The following CELA2B variants were observed in gnomAD, a reference collection of about 807,000 sequenced individuals.
CELA2B encodes chymotrypsin like elastase 2B, also known as chymotrypsin-like elastase family member 2B.
A neutral mutation model predicts 36.5 loss-of-function variants in CELA2B; 27 were observed. That is an observed-to-expected ratio of 0.74 (90% CI 0.55 to 1.02). CELA2B has a LOEUF of 1.02. Among genes scored for constraint, CELA2B ranks in the 50% least tolerant of loss-of-function variants. CELA2B has a pLI of 0.00. For synonymous variants in CELA2B, 143 were observed against 148.5 expected, an observed-to-expected ratio of 0.96 and a Z score of 0.27; for missense variants, 340 against 347.8, an observed-to-expected ratio of 0.98 and a Z score of 0.18.
At chr1:15,478,228 A>AGTTT (rs1023075628) in intron 2 of CELA2B, among the ~76,000 whole-genome samples, 6 of 150,316 alleles carry the variant, frequency 4.0e-5, no homozygotes, top group Admixed American at 1.3e-4. Context: ...TGGGATATAT[A>AGTTT]GTTTGTTTGT....
intron 2 of CELA2B, 145 bp from the exon 3 acceptor site, chr1:15,480,953 A>G: frequency 1.4e-6 from 1 of 724,204 alleles, no homozygotes; most frequent in Non-Finnish European, 2.3e-6. Flanking sequence ...TTCATGGCTG[A>G]GGTTTTGGGT....
intron 2 of CELA2B, among the ~76,000 whole-genome samples, chr1:15,480,044 A>C (rs964477749): frequency 6.6e-6 from 1 of 152,146 alleles, no homozygotes; most frequent in Non-Finnish European, 1.5e-5. Flanking sequence ...AAGTCATCTG[A>C]CTTCCATTCA....
chr1:15,490,594 G>A (rs1432497674), intron 7 of CELA2B, among the ~76,000 whole-genome samples: 6 of 152,162 alleles, frequency 3.9e-5, no homozygotes, highest in Admixed American at 6.5e-5. Context: ...CAGGCTGGGC[G>A]CGGTGGCTCA....
Position 15,482,419 on chromosome 1 carries a change from G to A in CELA2B, c.356+26G>A, listed in dbSNP as rs1708754215. ...GTTCGTTTCTATCTGGGTGCACTTG[G>A]GGGTGAGGTTGTCAGGGAACAGATG... On this transcript the variant is annotated intron_variant, in intron 4 of 7. Coordinates refer to ENST00000375910, the MANE Select transcript of CELA2B (RefSeq NM_015849.3). The A allele has an allele frequency of 2.5e-6, 4 of 1,613,482 alleles. No homozygotes were observed. The African/African-American group carries it at 4.0e-5, about 16-fold the overall frequency.
At chr1:15,483,652 G>A (rs1708769913) in intron 5 of CELA2B, among the ~76,000 whole-genome samples, 1 of 152,188 alleles carries the variant, frequency 6.6e-6, no homozygotes, top group Non-Finnish European at 1.5e-5. Flanking sequence ...AATTGGCTGG[G>A]CGCGGTGGCT....
At chr1:15,490,220 ATATCTATCTATCTATCTATCTATC>A (rs3060903) in intron 7 of CELA2B, among the ~76,000 whole-genome samples, 6 of 148,512 alleles carry the variant, frequency 4.0e-5, no homozygotes, top group African/African-American at 1.5e-4. Flanking sequence ...CTTTATGTGC[ATATCTATCTATCTATCTATCTATC>A]TATCTATCTA....
chr1:15,486,067 G>T, intron 6 of CELA2B, 21 bp downstream of exon 6: 2 of 1,606,450 alleles, frequency 1.2e-6, no homozygotes, highest in Non-Finnish European at 1.7e-6. Context: ...AAAATCAGGG[G>T]CCCCGCTCCA....
chr1:15,480,578 G>A (rs1358906818), intron 2 of CELA2B, among the ~76,000 whole-genome samples: 2 of 152,058 alleles, frequency 1.3e-5, no homozygotes, highest in Non-Finnish European at 2.9e-5. Context: ...GTGGCAGCAG[G>A]GAGAAGTGCC....
intron 3 of CELA2B, 112 bp from the exon 4 acceptor site, chr1:15,482,153 C>T (rs1464555606): frequency 1.5e-6 from 2 of 1,363,066 alleles, no homozygotes; most frequent in Non-Finnish European, 1.0e-6. Flanking sequence ...GGAAAGATCC[C>T]CAAGTGCCAA....
intron 5 of CELA2B, 43 bp downstream of exon 5, chr1:15,483,443 G>A (rs2103313583): frequency 2.5e-6 from 4 of 1,613,218 alleles, no homozygotes; most frequent in Non-Finnish European, 3.4e-6. Context: ...AGGGAAGGGA[G>A]GTGATGTCAC....
At chr1:15,477,098 T>G (rs557201738) in intron 2 of CELA2B, among the ~76,000 whole-genome samples, 97 of 152,332 alleles carry the variant, frequency 6.4e-4, no homozygotes, top group Non-Finnish European at 2.6e-4. Context: ...TAAACAAATT[T>G]ACAACTATAG....
chr1:15,490,306 A>G (rs749485566), intron 7 of CELA2B, among the ~76,000 whole-genome samples: 2 of 152,146 alleles, frequency 1.3e-5, no homozygotes, highest in Non-Finnish European at 2.9e-5. Flanking sequence ...AAAAACTAGG[A>G]TCTGAGTCTT....
At chr1:15,483,536 G>A (rs1296844526) in intron 5 of CELA2B, 136 bp downstream of exon 5, 4 of 1,378,290 alleles carry the variant, frequency 2.9e-6, no homozygotes, top group African/African-American at 2.9e-5. Context: ...ATAGGCTGAT[G>A]TCTGCCTGGG....
intron 3 of CELA2B, 100 bp from the exon 4 acceptor site, chr1:15,482,165 T>G: frequency 6.9e-7 from 1 of 1,459,778 alleles, no homozygotes; most frequent in Non-Finnish European, 9.3e-7. Flanking sequence ...AAGTGCCAAC[T>G]AGTGGCTCAT....
Position 15,487,323 on chromosome 1 carries a change from C to T in CELA2B, c.678C>T (p.Asp226=), listed in dbSNP as rs777716220. ...GGCCGCTGAACTGTCAGGCATCTGA[C>T]GGCCGGTGGGAGGTGCATGGCATCG... ...SGGPLNCQAS[D]GRWEVHGIGS... The change falls in exon 7 of 8, where the codon GAC becomes GAT. Residue 226 remains aspartate, a synonymous_variant. Transcript: ENST00000375910. The T allele has an allele frequency of 1.6e-5, 26 of 1,614,104 alleles. No individual in the cohort carries two copies. Among genetic ancestry groups the T allele is most frequent in the African/African-American group, 1.2e-4 (9 of 74,952 alleles).
chr1:15,479,693 G>A (rs186630149), intron 2 of CELA2B, among the ~76,000 whole-genome samples: 11 of 152,322 alleles, frequency 7.2e-5, no homozygotes, highest in Admixed American at 1.3e-4. Context: ...GTACATGAGC[G>A]TGCACGCATG....
rs3737701 is a variant in CELA2B, at chr1:15,485,801, G to A, written c.494-100G>A. 9.7e-4 allele frequency: 1,369 copies of A among 1,414,260 alleles called. 19 individuals are homozygous for A. The East Asian group carries it at 0.028, about 29-fold the overall frequency. The allele number at this position is 1,414,260 out of a possible 1,614,324, so 87.6% of individuals were successfully genotyped here. ...AACATGGCTGTTCCCATGTTGCAAT[G>A]GATGGAAGATGGTAACAGGGGAAAT... On this transcript the variant is annotated intron_variant, in intron 5 of 7. Coordinates refer to ENST00000375910, the MANE Select transcript of CELA2B (RefSeq NM_015849.3).
At chr1:15,491,117 G>A (rs1186171079) in intron 7 of CELA2B, 178 bp from the exon 8 acceptor site, 2 of 699,438 alleles carry the variant, frequency 2.9e-6, no homozygotes, top group Non-Finnish European at 5.1e-6. Flanking sequence ...ATGAAAAGCT[G>A]TGATTGCATC....
chr1:15,485,437 T>C (rs986752406), intron 5 of CELA2B, among the ~76,000 whole-genome samples: 1 of 152,130 alleles, frequency 6.6e-6, no homozygotes, highest in African/African-American at 2.4e-5. Flanking sequence ...GAAATTGTTA[T>C]AAGGATTTAA....
Sources: allele counts gnomAD v4.1 joint callset (sites outside exome capture counted in the v4.1 genomes callset), GRCh38; gene constraint gnomAD v4.1.1; transcripts MANE v1.5; gene names NCBI Gene and HGNC (gene_info 2026-07-23, HGNC 2026-07-21).